Variants in RPRD1A observed in about 807,000 individuals in gnomAD.
The protein encoded by RPRD1A is regulation of nuclear pre-mRNA domain containing 1A.
RPRD1A carries 9 observed loss-of-function variants against 37.8 expected under a neutral mutation model. The observed-to-expected ratio is 0.24, with a 90% CI of 0.14 to 0.42. RPRD1A has a LOEUF of 0.42. RPRD1A is among the 10% of genes least tolerant of loss of function. The probability of loss-of-function intolerance (pLI) is 1.00; values close to 1 mark genes in which losing one functional copy is unlikely to be tolerated. For synonymous variants in RPRD1A, 138 were observed against 139.7 expected (o/e 0.99, Z 0.08); for missense variants, 255 against 371.0 (o/e 0.69, Z 2.57).
At chr18:36,017,211 G>C (rs1910649326) in intron 6 of RPRD1A, among the ~76,000 whole-genome samples, 1 of 152,122 alleles carries the variant, frequency 6.6e-6, no homozygotes, top group South Asian at 2.1e-4. Flanking sequence ...TCGGGAGGCT[G>C]ATCACCTGAG....
chr18:36,039,433 A>G (rs1912430522), intron 1 of RPRD1A, among the ~76,000 whole-genome samples: 1 of 152,238 alleles, frequency 6.6e-6, no homozygotes, highest in Admixed American at 6.5e-5. Context: ...ACCTACCACA[A>G]ACAATTCATC....
intron 1 of RPRD1A, among the ~76,000 whole-genome samples, chr18:36,039,361 C>A (rs1912426274): frequency 6.6e-6 from 1 of 151,960 alleles, no homozygotes; most frequent in Admixed American, 6.5e-5. Context: ...TTGAGCACAT[C>A]CCCCAGAAGG....
In RPRD1A at chr18:36,036,402, T is replaced by C. The variant is rs578258243; in HGVS notation, c.152-2565A>G. Among the ~76,000 whole-genome samples the C allele has an allele frequency of 3.9e-5, 6 of 152,298 alleles. No individual in the cohort carries two copies. In the East Asian group the frequency reaches 1.2e-3, roughly 29 times the overall value. ...GAATGTTTTTTAAATTCATGGGTTATATCAATCTCTCAAAGAATTCAGAAT... is the reference window on the plus strand; with the variant it reads ...GAATGTTTTTTAAATTCATGGGTTACATCAATCTCTCAAAGAATTCAGAAT... On this transcript the variant is annotated intron_variant, in intron 1 of 6. Transcript: ENST00000399022.
intron 6 of RPRD1A, among the ~76,000 whole-genome samples, chr18:36,006,071 A>G (rs970237748): frequency 6.6e-6 from 1 of 152,254 alleles, no homozygotes; most frequent in Non-Finnish European, 1.5e-5. Context: ...CACAGAATTA[A>G]TGAAAATAGA....
chr18:35,996,030 G>A (rs1376689194), intron 6 of RPRD1A, among the ~76,000 whole-genome samples: 1 of 152,214 alleles, frequency 6.6e-6, no homozygotes, highest in Non-Finnish European at 1.5e-5. Context: ...CAAATCTAAT[G>A]TGATATTCTG....
intron 4 of RPRD1A, chr18:36,028,194 T>G (rs1182014847): frequency 6.6e-6 from 1 of 152,028 alleles, no homozygotes; most frequent in Non-Finnish European, 1.5e-5. Context: ...TTAAAAAATA[T>G]AGGATATTAG....
chr18:36,030,876 A>G lies in RPRD1A; in HGVS notation c.418T>C (p.Tyr140His), dbSNP rs750072530. ...YGDKKPRKRT[Y>H]EQIKVDENEN... ...TTTTCATCCACCTTTATCTGTTCATAAGTTCGCTTCCTAGGCTTCTTATCA... is the reference window on the plus strand; with the variant it reads ...TTTTCATCCACCTTTATCTGTTCATGAGTTCGCTTCCTAGGCTTCTTATCA... The change falls in exon 4 of 7, where the codon TAT becomes CAT. Residue 140 changes from tyrosine (Y) to histidine (H), a missense_variant. Around this residue, in one of 2 missense-constraint regions of RPRD1A, gnomAD observed 211 missense variants for 268.9 expected, o/e 0.78. Transcript: ENST00000399022. 1 of 1,613,318 alleles carries G rather than the reference A, an allele frequency of 6.2e-7. No homozygotes were observed. The highest frequency in any genetic ancestry group is 8.5e-7 in the Non-Finnish European group (1 of 1,179,566).
At chr18:36,057,147 G>A (rs952659667) in intron 1 of RPRD1A, among the ~76,000 whole-genome samples, 10 of 151,356 alleles carry the variant, frequency 6.6e-5, no homozygotes, top group African/African-American at 2.4e-4. Flanking sequence ...AGCCTGGGAG[G>A]TTGGGGCTGC....
intron 6 of RPRD1A, among the ~76,000 whole-genome samples, chr18:36,018,870 G>A (rs1220269663): frequency 6.6e-6 from 1 of 152,138 alleles, no homozygotes; most frequent in East Asian, 1.9e-4. Flanking sequence ...AGGACTCTCT[G>A]AAGACTTGAC....
rs886528955 is a variant in RPRD1A, at chr18:36,025,603, G to T, written c.789+1297C>A. On this transcript the variant is annotated intron_variant, in intron 6 of 6. Transcript: ENST00000399022. ...AACATGAGACAATACAGGCTTCAGG[G>T]TTTGATATTTATTTTTAGCAGGAAG... 27 of 1,282,410 alleles carry T rather than the reference G, an allele frequency of 2.1e-5. No individual in the cohort carries two copies. The African/African-American group carries it at 3.2e-4, about 15-fold the overall frequency. The allele number at this position is 1,282,410 out of a possible 1,614,324, so 79.4% of individuals were successfully genotyped here. A position where few individuals can be genotyped will look rare whatever the true frequency, so the allele number is the denominator to read the frequency against.
intron 1 of RPRD1A, among the ~76,000 whole-genome samples, chr18:36,060,583 T>C (rs2088889537): frequency 6.6e-6 from 1 of 152,222 alleles, no homozygotes; most frequent in Non-Finnish European, 1.5e-5. Context: ...TCAACGAATA[T>C]TTAAAAACTT....
At chr18:36,056,286 G>C (rs1315132903) in intron 1 of RPRD1A, among the ~76,000 whole-genome samples, 2 of 151,728 alleles carry the variant, frequency 1.3e-5, no homozygotes, top group Admixed American at 6.6e-5. Context: ...AGCCTTTTGG[G>C]TTTTTGTGTT....
intron 6 of RPRD1A, among the ~76,000 whole-genome samples, chr18:35,996,282 A>C (rs1360846192): frequency 6.6e-6 from 1 of 152,176 alleles, no homozygotes; most frequent in Non-Finnish European, 1.5e-5. Flanking sequence ...TTTTTAAAGA[A>C]AGTCTGATGG....
At chr18:36,066,568 A>G (rs997583696) in intron 1 of RPRD1A, among the ~76,000 whole-genome samples, 8 of 152,254 alleles carry the variant, frequency 5.3e-5, no homozygotes, top group African/African-American at 7.2e-5. Flanking sequence ...AGACATCTCA[A>G]AAAAGTTTAC....
intron 1 of RPRD1A, 39 bp downstream of exon 1, chr18:36,067,215 C>A (rs200830450): frequency 2.0e-6 from 3 of 1,525,634 alleles, no homozygotes; most frequent in Non-Finnish European, 2.7e-6. Flanking sequence ...GGAGGCCGGC[C>A]GGGTGGTGGG....
At chr18:36,037,606 G>A (rs979045681) in intron 1 of RPRD1A, among the ~76,000 whole-genome samples, 5 of 152,196 alleles carry the variant, frequency 3.3e-5, no homozygotes, top group African/African-American at 9.7e-5. Flanking sequence ...CTGAAAATGT[G>A]GAAGCCACTT....
rs983595020 is a variant in RPRD1A at position 36,054,325 on chromosome 18, T to C, written c.151+12929A>G. Among the ~76,000 whole-genome samples, 25 of 152,000 alleles carry C rather than the reference T, an allele frequency of 1.6e-4. 1 individual carries two copies. The highest frequency in any genetic ancestry group is 1.6e-3 in the Admixed American group (25 of 15,260). On this transcript the variant is annotated intron_variant, in intron 1 of 6. Coordinates refer to ENST00000399022, the MANE Select transcript of RPRD1A (RefSeq NM_018170.5). The stretch of plus-strand genomic sequence containing the variant: ...GGCCAACGTGATGAAACCCCATCTC[T>C]ACTAAAAATAGAAAAAAATTAGCCA...
intron 6 of RPRD1A, among the ~76,000 whole-genome samples, chr18:36,004,889 T>A (rs1353193491): frequency 6.8e-6 from 1 of 147,628 alleles, no homozygotes; most frequent in Non-Finnish European, 1.5e-5. Context: ...GGCAACAGAT[T>A]GAGACTCTGA....
intron 6 of RPRD1A, among the ~76,000 whole-genome samples, chr18:36,015,169 T>C (rs199958031): frequency 0.029 from 2,692 of 92,676 alleles, 88 homozygotes; most frequent in African/African-American, 0.11. Context: ...TATATACACA[T>C]ATATACACAC....
Sources: gnomAD v4.1 joint callset for allele counts (sites outside exome capture counted in the v4.1 genomes callset) on GRCh38, gnomAD v4.1.1 for gene constraint, gnomAD v4.1.1 regional missense constraint, MANE v1.5 for transcripts, NCBI Gene and HGNC (gene_info 2026-07-23, HGNC 2026-07-21) for gene names.